Variants in FBXO28 observed in about 807,000 individuals in gnomAD.
The protein encoded by FBXO28 is F-box only protein 28.
In FBXO28, 8 loss-of-function variants were observed where a neutral mutation model predicts 38.1. The observed-to-expected ratio is 0.21, with a 90% CI of 0.12 to 0.38. The LOEUF (loss-of-function observed/expected upper bound fraction) is 0.38, where lower values mean the gene tolerates loss of function less well. Ranked by LOEUF, FBXO28 falls within the 10% of genes least tolerant of loss-of-function variation. FBXO28 has a pLI of 1.00. For synonymous variants in FBXO28, 168 were observed against 173.8 expected (o/e 0.97, Z 0.26); for missense variants, 345 against 460.6 (o/e 0.75, Z 2.30).
chr1:224,155,135 C>T (rs1181474964), intron 4 of FBXO28, among the ~76,000 whole-genome samples: 1 of 151,950 alleles, frequency 6.6e-6, no homozygotes, highest in African/African-American at 2.4e-5. Context: ...ATTATTTCAG[C>T]CCCCAAAGTG....
At chr1:224,146,296 G>A (rs1572022269) in intron 3 of FBXO28, among the ~76,000 whole-genome samples, 1 of 151,892 alleles carries the variant, frequency 6.6e-6, no homozygotes, top group East Asian at 1.9e-4. Flanking sequence ...TTTTAAATAT[G>A]GAGGAAATTT....
intron 1 of FBXO28, among the ~76,000 whole-genome samples, chr1:224,128,268 A>G (rs1202013336): frequency 6.7e-6 from 1 of 150,262 alleles, no homozygotes; most frequent in Non-Finnish European, 1.5e-5. Flanking sequence ...TTATTTTTTT[A>G]ACTGTCCATG....
At chr1:224,120,249 A>G (rs1656740797) in intron 1 of FBXO28, among the ~76,000 whole-genome samples, 1 of 152,246 alleles carries the variant, frequency 6.6e-6, no homozygotes, top group Admixed American at 6.5e-5. Context: ...AGATTGATTG[A>G]AACAAACATC....
At chr1:224,132,086 C>G (rs565524611) in intron 2 of FBXO28, among the ~76,000 whole-genome samples, 11 of 152,168 alleles carry the variant, frequency 7.2e-5, no homozygotes, top group African/African-American at 2.6e-4. Flanking sequence ...AACCCTGTCT[C>G]TACTAAAAAT....
intron 3 of FBXO28, among the ~76,000 whole-genome samples, chr1:224,141,891 A>AT (rs199693010): frequency 0.47 from 67,738 of 145,386 alleles, 16,465 homozygotes; most frequent in South Asian, 0.58. Flanking sequence ...GGCTACATTA[A>AT]TTTTTTTTTT....
chr1:224,144,234 TAGG>T (rs769942871), intron 3 of FBXO28, among the ~76,000 whole-genome samples: 8 of 148,710 alleles, frequency 5.4e-5, no homozygotes, highest in African/African-American at 7.5e-5. Flanking sequence ...GAGGCCAAGA[TAGG>T]AGGATCACTT....
chr1:224,122,867 G>C (rs1296223995), intron 1 of FBXO28, among the ~76,000 whole-genome samples: 9 of 152,132 alleles, frequency 5.9e-5, no homozygotes, highest in Non-Finnish European at 1.3e-4. Context: ...TTTTAGAGTA[G>C]TGCCAGCAGT....
intron 1 of FBXO28, among the ~76,000 whole-genome samples, chr1:224,123,176 G>A (rs1047525548): frequency 6.6e-6 from 1 of 152,080 alleles, no homozygotes; most frequent in African/African-American, 2.4e-5. Context: ...AAGAACTGTA[G>A]AGTGCCAAAC....
At chr1:224,138,937 A>T (rs1558192328) in intron 3 of FBXO28, among the ~76,000 whole-genome samples, 1 of 151,542 alleles carries the variant, frequency 6.6e-6, no homozygotes, top group Non-Finnish European at 1.5e-5. Context: ...ACATGCCACC[A>T]TGCCCAGCTA....
chr1:224,124,712 T>C (rs931624975), intron 1 of FBXO28, among the ~76,000 whole-genome samples: 3 of 152,206 alleles, frequency 2.0e-5, no homozygotes, highest in African/African-American at 7.2e-5. Flanking sequence ...ACAAAAGTTA[T>C]ATGGTCTCTT....
At chr1:224,143,679 T>G (rs1163914256) in intron 3 of FBXO28, among the ~76,000 whole-genome samples, 1 of 151,294 alleles carries the variant, frequency 6.6e-6, no homozygotes, top group Non-Finnish European at 1.5e-5. Flanking sequence ...AAAAAATAAA[T>G]AAATAAATTA....
intron 2 of FBXO28, among the ~76,000 whole-genome samples, chr1:224,132,335 A>C (rs1264954298): frequency 1.3e-5 from 2 of 152,176 alleles, no homozygotes; most frequent in Non-Finnish European, 2.9e-5. Flanking sequence ...GGTGCTCAAC[A>C]TCATTAGTCG....
intron 3 of FBXO28, among the ~76,000 whole-genome samples, chr1:224,147,561 T>C (rs1209488928): frequency 6.6e-6 from 1 of 152,140 alleles, no homozygotes; most frequent in Non-Finnish European, 1.5e-5. Context: ...AGAGGTGATC[T>C]AGGTTATATG....
At chr1:224,150,793 G>C (rs1358804013) in intron 3 of FBXO28, among the ~76,000 whole-genome samples, 2 of 152,050 alleles carry the variant, frequency 1.3e-5, no homozygotes, top group African/African-American at 4.8e-5. Context: ...TGTTATTCCT[G>C]CCTTTCCTGA....
intron 3 of FBXO28, among the ~76,000 whole-genome samples, chr1:224,144,011 C>G (rs1657434999): frequency 6.6e-6 from 1 of 151,748 alleles, no homozygotes; most frequent in East Asian, 1.9e-4. Flanking sequence ...TTTAGCCAGG[C>G]ATGGTGGCAT....
chr1:224,125,998 G>C (rs1656894910), intron 1 of FBXO28, among the ~76,000 whole-genome samples: 1 of 152,158 alleles, frequency 6.6e-6, no homozygotes, highest in African/African-American at 2.4e-5. Context: ...ATTCCTCTCA[G>C]CTTGGCCCAC....
intron 3 of FBXO28, among the ~76,000 whole-genome samples, chr1:224,147,624 A>G (rs543257566): frequency 0.015 from 5 of 328 alleles, no homozygotes; most frequent in Admixed American, 0.12. Flanking sequence ...CATTTTGACA[A>G]TGTGGTCCTG....
chr1:224,145,532 C>T (rs1186542767), intron 3 of FBXO28, among the ~76,000 whole-genome samples: 2 of 152,098 alleles, frequency 1.3e-5, no homozygotes. Context: ...TTTTCCAACT[C>T]CATTATAATC....
chr1:224,124,471 A>C (rs1656860117), intron 1 of FBXO28, among the ~76,000 whole-genome samples: 1 of 152,168 alleles, frequency 6.6e-6, no homozygotes. Context: ...TCTTGGGTAA[A>C]TTGCCAAATT....
Sources: allele counts gnomAD v4.1 joint callset (sites outside exome capture counted in the v4.1 genomes callset), GRCh38; gene constraint gnomAD v4.1.1; transcripts MANE v1.5; gene names NCBI Gene and HGNC (gene_info 2026-07-23, HGNC 2026-07-21).